Variants in ASAP2 observed in about 807,000 individuals in gnomAD.
ASAP2 encodes ArfGAP with SH3 domain, ankyrin repeat and PH domain 2.
A neutral mutation model predicts 131.4 loss-of-function variants in ASAP2; 45 were observed. The ratio of observed to expected loss-of-function variants is 0.34; its 90% CI spans 0.27 to 0.44. The LOEUF (loss-of-function observed/expected upper bound fraction) is 0.44. Among genes scored for constraint, ASAP2 ranks in the 20% least tolerant of loss-of-function variants. The pLI, the probability that ASAP2 is intolerant of heterozygous loss-of-function variation, is 1.00. For synonymous variants in ASAP2, 510 were observed against 503.0 expected (o/e 1.01, Z -0.19); for missense variants, 1,011 against 1,297.0 (o/e 0.78, Z 3.39).
rs33928425 is a variant in ASAP2 at position 9,391,740 on chromosome 2, A to ATTT, written c.2518+558_2518+560dup. 5.1e-3 allele frequency among the ~76,000 whole-genome samples: 659 copies of ATTT among 128,500 alleles called. 8 individuals are homozygous for ATTT. Among genetic ancestry groups the ATTT allele is most frequent in the Middle Eastern group, 0.025 (6 of 242 alleles). The allele number at this position is 128,500 out of a possible 152,430, so 84.3% of individuals were successfully genotyped here. A position where few individuals can be genotyped will look rare whatever the true frequency, so the allele number is the denominator to read the frequency against. ...CAGGAGCCTGCCACCATGCTCAGCT[A>ATTT]TTTTTTTTTTTTTTTTGTATTTTTA... On this transcript the variant is annotated intron_variant, in intron 23 of 27. Coordinates refer to ENST00000281419, the MANE Select transcript of ASAP2 (RefSeq NM_003887.3).
chr2:9,374,884 G>A lies in ASAP2; in HGVS notation c.1686G>A (p.Leu562=). 6.2e-7 allele frequency: 1 copy of A among 1,613,840 alleles called. No individual in the cohort carries two copies. Among genetic ancestry groups the A allele is most frequent in the Non-Finnish European group, 8.5e-7 (1 of 1,179,998 alleles). The change falls in exon 17 of 28, where the codon TTG becomes TTA. Residue 562 remains leucine (L), a synonymous_variant. Coordinates refer to ENST00000281419, the MANE Select transcript of ASAP2 (RefSeq NM_003887.3). ...EAVKTRDIFG[L]LQAYADGVDL... is the part of the protein sequence containing the mutation. ...TCAAAACGAGAGATATTTTTGGATTGCTCCAAGCTTATGCTGATGGTGTGG... is the reference window on the plus strand; with the variant it reads ...TCAAAACGAGAGATATTTTTGGATTACTCCAAGCTTATGCTGATGGTGTGG...
intron 11 of ASAP2, among the ~76,000 whole-genome samples, chr2:9,348,284 T>G (rs981337662): frequency 6.6e-6 from 1 of 151,116 alleles, no homozygotes; most frequent in Non-Finnish European, 1.5e-5. Context: ...GCCCAGCTAA[T>G]TTTTGTATTT....
At chr2:9,210,528 A>G (rs1024974432) in intron 1 of ASAP2, among the ~76,000 whole-genome samples, 1 of 151,998 alleles carries the variant, frequency 6.6e-6, no homozygotes, top group African/African-American at 2.4e-5. Flanking sequence ...GGGTGAGTGA[A>G]TGAAACACTA....
chr2:9,399,786 G>A (rs1290869441), intron 24 of ASAP2: 2 of 555,840 alleles, frequency 3.6e-6, no homozygotes, highest in Non-Finnish European at 3.2e-6. Context: ...GCAGGCTCAC[G>A]TGGACAGAGT....
intron 7 of ASAP2, among the ~76,000 whole-genome samples, chr2:9,334,045 T>C (rs868855119): frequency 4.3e-5 from 6 of 139,956 alleles, no homozygotes; most frequent in Admixed American, 2.1e-4. Context: ...TCTCCTTTTT[T>C]TTTTTTTTTT....
At chr2:9,379,917 G>A (rs1332621064) in intron 19 of ASAP2, among the ~76,000 whole-genome samples, 9 of 151,610 alleles carry the variant, frequency 5.9e-5, no homozygotes, top group Admixed American at 2.6e-4. Flanking sequence ...ACTTGAACCC[G>A]GGAGGCGGAG....
At chr2:9,358,575 G>T (rs1275911153) in intron 14 of ASAP2, among the ~76,000 whole-genome samples, 181 bp from the exon 15 acceptor site, 3 of 152,184 alleles carry the variant, frequency 2.0e-5, no homozygotes, top group Non-Finnish European at 2.9e-5. Context: ...GAGTAGATGT[G>T]TGCATATTTG....
At chr2:9,337,211 A>G (rs1440316854) in intron 9 of ASAP2, among the ~76,000 whole-genome samples, 2 of 152,144 alleles carry the variant, frequency 1.3e-5, no homozygotes, top group Non-Finnish European at 2.9e-5. Context: ...CCTTGTCAAG[A>G]CCTAACTCAA....
intron 15 of ASAP2, among the ~76,000 whole-genome samples, chr2:9,360,593 T>C (rs1673015032): frequency 6.6e-6 from 1 of 152,206 alleles, no homozygotes; most frequent in Non-Finnish European, 1.5e-5. Context: ...CTGCCTGTTC[T>C]CATGGTGTAA....
Position 9,258,335 on chromosome 2 carries a change from GT to G in ASAP2, c.127-20964del, listed in dbSNP as rs34528995. On this transcript the variant is annotated intron_variant, in intron 1 of 27. Transcript: ENST00000281419. ...ACAGTATTGATAGTAATCAGTAGTT[GT>G]TTTTTTTTTTTTTTTTTGAGACTTT... is the stretch of plus-strand genomic sequence containing the variant. Among the ~76,000 whole-genome samples, 408 of 90,604 alleles carry G rather than the reference GT, an allele frequency of 4.5e-3. 1 individual carries two copies. The highest frequency in any genetic ancestry group is 3.9e-3 in the African/African-American group (96 of 24,692). The allele number at this position is 90,604 out of a possible 152,430, so 59.4% of individuals were successfully genotyped here.
intron 1 of ASAP2, among the ~76,000 whole-genome samples, chr2:9,238,176 G>T (rs1439941089): frequency 6.6e-6 from 1 of 152,194 alleles, no homozygotes; most frequent in Non-Finnish European, 1.5e-5. Context: ...CTTATTGATG[G>T]TGCACACAGA....
intron 1 of ASAP2, among the ~76,000 whole-genome samples, chr2:9,267,694 C>G (rs578058499): frequency 1.3e-5 from 2 of 151,804 alleles, no homozygotes; most frequent in Non-Finnish European, 2.9e-5. Context: ...GCCGGGAGTT[C>G]GAGACCAACC....
intron 1 of ASAP2, among the ~76,000 whole-genome samples, chr2:9,230,987 G>A (rs537157019): frequency 2.0e-5 from 3 of 152,306 alleles, no homozygotes; most frequent in Admixed American, 2.0e-4. Context: ...TTGCTTCCTG[G>A]CAGCACAAAC....
intron 1 of ASAP2, among the ~76,000 whole-genome samples, chr2:9,240,695 C>A (rs1319570086): frequency 6.6e-6 from 1 of 152,114 alleles, no homozygotes; most frequent in Non-Finnish European, 1.5e-5. Context: ...CCCACTTTTC[C>A]CTTAGATCTT....
rs1199001202 is a variant in ASAP2 at position 9,281,328 on chromosome 2, G to A, written c.199+1939G>A. Among the ~76,000 whole-genome samples, 1 of 152,180 alleles carries A rather than the reference G, an allele frequency of 6.6e-6. No homozygotes were observed. Among genetic ancestry groups the A allele is most frequent in the African/African-American group, 2.4e-5 (1 of 41,452 alleles). On this transcript the variant is annotated intron_variant, in intron 2 of 27. Transcript: ENST00000281419. This position sits in a 1 kb window ranked among gnomAD's most constrained non-coding sequence, Gnocchi z 4.0. ...GTGTAGCTGCTGCTCGTCTGGAGGA[G>A]AGACTTGTGTGACTCCCAAGGCTGG...
Position 9,370,706 on chromosome 2 carries a change from T to G in ASAP2, c.1556+2187T>G, listed in dbSNP as rs1267561837. ...CCTGGTTGACATTAGCTGCCCTGCTTGCTCTTCTTCCTGTGGGTGACAGAA... is the reference window on the plus strand; with the variant it reads ...CCTGGTTGACATTAGCTGCCCTGCTGGCTCTTCTTCCTGTGGGTGACAGAA... On this transcript the variant is annotated intron_variant, in intron 16 of 27. Transcript: ENST00000281419. Among the ~76,000 whole-genome samples the G allele has an allele frequency of 2.6e-5, 4 of 152,326 alleles. No individual in the cohort carries two copies. In the South Asian group the frequency reaches 8.3e-4, roughly 32 times the overall value.
intron 1 of ASAP2, among the ~76,000 whole-genome samples, chr2:9,226,607 G>A (rs1229990493): frequency 6.6e-6 from 1 of 152,218 alleles, no homozygotes; most frequent in African/African-American, 2.4e-5. Context: ...TGCTCTGGAT[G>A]CTGGCCTCTG....
At chr2:9,252,519 T>C (rs955370424) in intron 1 of ASAP2, among the ~76,000 whole-genome samples, 1 of 150,618 alleles carries the variant, frequency 6.6e-6, no homozygotes, top group Non-Finnish European at 1.5e-5. Context: ...GGTTGCAGTG[T>C]GCTGAGATCA....
intron 11 of ASAP2, among the ~76,000 whole-genome samples, chr2:9,349,442 G>A (rs1672188139): frequency 1.3e-5 from 2 of 152,202 alleles, no homozygotes; most frequent in South Asian, 2.1e-4. Flanking sequence ...ATCATTTGCT[G>A]TATTGGTTCC....
Sources: allele counts gnomAD v4.1 joint callset (sites outside exome capture counted in the v4.1 genomes callset), GRCh38; gene constraint gnomAD v4.1.1; non-coding constraint Gnocchi (gnomAD v3.1); transcripts MANE v1.5; gene names NCBI Gene and HGNC (gene_info 2026-07-23, HGNC 2026-07-21).